The following LUZP1 variants were observed in gnomAD, a reference collection of about 807,000 sequenced individuals.
LUZP1 encodes the protein filamin mechanobinding actin cross-linking protein.
LUZP1 carries 25 observed loss-of-function variants against 71.3 expected under a neutral mutation model. The ratio of observed to expected loss-of-function variants is 0.35; its 90% confidence interval spans 0.26 to 0.49. The LOEUF is 0.49. Among genes scored for constraint, LUZP1 ranks in the 20% least tolerant of loss-of-function variants. The probability of loss-of-function intolerance (pLI) is 0.99; values close to 1 mark genes in which losing one functional copy is unlikely to be tolerated. For missense variants in LUZP1, 1,142 were observed against 1,300.8 expected, an observed-to-expected ratio of 0.88 and a Z score of 1.88; for synonymous variants, 481 against 506.4, an observed-to-expected ratio of 0.95 and a Z score of 0.67.
chr1:23,091,523 T>C (rs748167659), exon 4 of LUZP1: 18 of 1,614,220 alleles, frequency 1.1e-5, no homozygotes, highest in Non-Finnish European at 1.5e-5. Flanking sequence ...GTCTGGCATC[T>C]GAGAAGCCCA....
At chr1:23,148,083 T>C (rs931390997) in intron 2 of LUZP1, among the ~76,000 whole-genome samples, 2 of 152,238 alleles carry the variant, frequency 1.3e-5, no homozygotes, top group African/African-American at 4.8e-5. Context: ...TTAAAATAGG[T>C]AGTGTCTTCT....
intron 3 of LUZP1, among the ~76,000 whole-genome samples, chr1:23,100,536 C>G (rs985858695): frequency 3.3e-5 from 5 of 152,210 alleles, no homozygotes; most frequent in Non-Finnish European, 7.3e-5. Context: ...ACAGGATGTT[C>G]AGCTCTAGTT....
intron 2 of LUZP1, among the ~76,000 whole-genome samples, chr1:23,139,019 A>AAAAATAT (rs1317355746): frequency 3.2e-4 from 19 of 59,950 alleles, no homozygotes; most frequent in South Asian, 2.4e-3. Flanking sequence ...AAAAAAAAAA[A>AAAAATAT]ATATATATAT....
chr1:23,126,518 T>C (rs1219428099), intron 2 of LUZP1, among the ~76,000 whole-genome samples: 1 of 152,168 alleles, frequency 6.6e-6, no homozygotes, highest in Non-Finnish European at 1.5e-5. Flanking sequence ...ATATTTTATA[T>C]TTACTTACAC....
At chr1:23,095,889 G>C (rs1325420928) in intron 3 of LUZP1, among the ~76,000 whole-genome samples, 1 of 152,098 alleles carries the variant, frequency 6.6e-6, no homozygotes, top group African/African-American at 2.4e-5. Flanking sequence ...GGGAAACCTA[G>C]CTGAGCAAAC....
chr1:23,170,843 G>A (rs1265996539), intron 1 of LUZP1, among the ~76,000 whole-genome samples: 1 of 151,208 alleles, frequency 6.6e-6, no homozygotes, highest in Non-Finnish European at 1.5e-5. Context: ...CACTTTGGGA[G>A]GATCACTTGA....
intron 2 of LUZP1, among the ~76,000 whole-genome samples, chr1:23,156,930 T>A (rs1644424570): frequency 6.6e-6 from 1 of 152,224 alleles, no homozygotes; most frequent in South Asian, 2.1e-4. Flanking sequence ...TATAAGCACC[T>A]GCACAATGAT....
intron 3 of LUZP1, among the ~76,000 whole-genome samples, chr1:23,108,747 T>C (rs1644004787): frequency 1.3e-5 from 2 of 152,348 alleles, no homozygotes; most frequent in South Asian, 2.1e-4. Context: ...GGCGATAACA[T>C]GTCCAACAGG....
chr1:23,098,643 G>A (rs1264584965), intron 3 of LUZP1, among the ~76,000 whole-genome samples: 1 of 152,196 alleles, frequency 6.6e-6, no homozygotes, highest in Non-Finnish European at 1.5e-5. Context: ...GGCGTCGACA[G>A]ACGGCAGCAA....
intron 3 of LUZP1, among the ~76,000 whole-genome samples, chr1:23,099,867 T>C (rs1292655366): frequency 1.3e-5 from 2 of 152,208 alleles, no homozygotes; most frequent in African/African-American, 4.8e-5. Context: ...TTCCCCATGA[T>C]GGCACCCAAA....
intron 2 of LUZP1, among the ~76,000 whole-genome samples, chr1:23,153,782 A>T (rs949481112): frequency 2.6e-5 from 4 of 152,168 alleles, no homozygotes; most frequent in African/African-American, 9.6e-5. Flanking sequence ...AGAAATCAAA[A>T]ATATTACCCA....
rs1643874288 is a variant in LUZP1, at chr1:23,093,311, G to T, written c.951C>A (p.Ser317=). 2 of 1,609,400 alleles carry T rather than the reference G, an allele frequency of 1.2e-6. No homozygotes were observed. ...AATTATCCTGAAGGTCGTTATTTTT[G>T]GACTTCATTTTCTTAAGCTCTTCTT... Residue 317 remains serine (S), a synonymous_variant, in exon 4 of 5, where the codon TCC becomes TCA. Coordinates refer to ENST00000302291, the Ensembl canonical transcript of LUZP1. This position sits in a 1 kb window ranked among gnomAD's most constrained non-coding sequence, Gnocchi z 4.2.
chr1:23,162,308 T>C (rs1325479706), intron 2 of LUZP1, among the ~76,000 whole-genome samples: 1 of 152,150 alleles, frequency 6.6e-6, no homozygotes, highest in Non-Finnish European at 1.5e-5. Flanking sequence ...TTTCTTGATC[T>C]AGATCTAGGT....
exon 4 of LUZP1, chr1:23,092,375 T>A: frequency 6.2e-7 from 1 of 1,614,210 alleles, no homozygotes; most frequent in Non-Finnish European, 8.5e-7. Context: ...CTGCTGCAGG[T>A]TGATTAACCC....
intron 2 of LUZP1, among the ~76,000 whole-genome samples, chr1:23,145,009 C>A (rs1440936379): frequency 6.6e-6 from 1 of 152,132 alleles, no homozygotes; most frequent in Middle Eastern, 3.4e-3. Flanking sequence ...GATCTTCCCA[C>A]CTCAGCCTCC....
chr1:23,120,848 T>C (rs777994614), intron 2 of LUZP1, among the ~76,000 whole-genome samples: 9 of 152,212 alleles, frequency 5.9e-5, no homozygotes, highest in East Asian at 1.9e-4. Context: ...CTTTCATATT[T>C]AGCCTCTCTT....
intron 1 of LUZP1, among the ~76,000 whole-genome samples, chr1:23,175,131 C>G (rs1049087447): frequency 1.3e-5 from 2 of 151,992 alleles, no homozygotes; most frequent in Non-Finnish European, 2.9e-5. Flanking sequence ...AAACAAGGCT[C>G]AGACAGGGAA....
At chr1:23,125,868 G>A (rs1001534523) in intron 2 of LUZP1, among the ~76,000 whole-genome samples, 3 of 152,134 alleles carry the variant, frequency 2.0e-5, no homozygotes, top group Admixed American at 6.5e-5. Context: ...CTAAGACTGG[G>A]TTGAAGATTA....
At chr1:23,109,995 T>C (rs186394510) in intron 2 of LUZP1, among the ~76,000 whole-genome samples, 3 of 152,332 alleles carry the variant, frequency 2.0e-5, no homozygotes, top group Admixed American at 2.0e-4. Flanking sequence ...CTGAGCACTA[T>C]GCTTTATGTT....
Sources: gnomAD v4.1 joint callset for allele counts (sites outside exome capture counted in the v4.1 genomes callset) on GRCh38, gnomAD v4.1.1 for gene constraint, Gnocchi (gnomAD v3.1) non-coding constraint, MANE v1.5 for transcripts, NCBI Gene and HGNC (gene_info 2026-07-23, HGNC 2026-07-21) for gene names.